MACROD2: variants seen among roughly 807,000 people sequenced by gnomAD.
MACROD2 encodes the protein ADP-ribose glycohydrolase MACROD2.
In MACROD2, 36 loss-of-function variants were observed where a neutral mutation model predicts 70.4. The observed-to-expected ratio is 0.51, with a 90% CI of 0.39 to 0.68. The LOEUF (loss-of-function observed/expected upper bound fraction) is 0.68, where lower values mean the gene tolerates loss of function less well. MACROD2 is among the 30% of genes least tolerant of loss of function. MACROD2 has a pLI of 0.00. For missense variants in MACROD2, 496 were observed against 538.4 expected (o/e 0.92, Z 0.78); for synonymous variants, 172 against 178.8 (o/e 0.96, Z 0.30).
chr20:15,859,958 A>C (rs1205186155), intron 8 of MACROD2, among the ~76,000 whole-genome samples: 1 of 152,038 alleles, frequency 6.6e-6, no homozygotes, highest in Non-Finnish European at 1.5e-5. Context: ...ACACGGTGAA[A>C]CCCTGTCTCT....
chr20:15,160,016 A>G (rs2076336724), intron 5 of MACROD2, among the ~76,000 whole-genome samples: 1 of 152,078 alleles, frequency 6.6e-6, no homozygotes, highest in Admixed American at 6.6e-5. Context: ...TAGGAACAAA[A>G]TGTTCATGAC....
intron 8 of MACROD2, among the ~76,000 whole-genome samples, chr20:15,622,267 G>A (rs1336155702): frequency 6.6e-6 from 1 of 152,216 alleles, no homozygotes; most frequent in African/African-American, 2.4e-5. Context: ...TAAGTTTGAG[G>A]AGACATTCTC....
intron 8 of MACROD2, among the ~76,000 whole-genome samples, chr20:15,686,671 G>A (rs939122565): frequency 3.9e-5 from 6 of 151,974 alleles, no homozygotes; most frequent in East Asian, 1.9e-4. Flanking sequence ...CCAGGAGTTC[G>A]AGACCAGCCT....
At chr20:14,230,209 T>G (rs2081788588) in intron 3 of MACROD2, among the ~76,000 whole-genome samples, 2 of 152,110 alleles carry the variant, frequency 1.3e-5, no homozygotes, top group Admixed American at 1.3e-4. Flanking sequence ...TTTGGTGTGG[T>G]TAACTTATCC....
At chr20:16,035,631 ATTATTATGTGTG>A (rs1221043478) in intron 15 of MACROD2, among the ~76,000 whole-genome samples, 1 of 152,062 alleles carries the variant, frequency 6.6e-6, no homozygotes, top group Non-Finnish European at 1.5e-5. Flanking sequence ...TTAGAAGTGT[ATTATTATGTGTG>A]TTAGTTAGCT....
At chr20:15,078,520 A>G (rs544339311) in intron 5 of MACROD2, among the ~76,000 whole-genome samples, 18 of 152,294 alleles carry the variant, frequency 1.2e-4, no homozygotes, top group South Asian at 6.2e-4. Context: ...TTACTCTTCA[A>G]AAACTTTTAT....
intron 5 of MACROD2, among the ~76,000 whole-genome samples, chr20:15,092,998 A>G (rs1276711138): frequency 6.6e-6 from 1 of 152,184 alleles, no homozygotes; most frequent in East Asian, 1.9e-4. Flanking sequence ...TACAAAGTAA[A>G]TACTTAGGAA....
At chr20:15,475,021 A>AAAT (rs1033880758) in intron 7 of MACROD2, among the ~76,000 whole-genome samples, 35 of 152,152 alleles carry the variant, frequency 2.3e-4, no homozygotes, top group African/African-American at 8.0e-4. Flanking sequence ...TCAGAAAAAA[A>AAAT]AAATAAATAA....
chr20:15,056,069 G>A (rs1285229220), intron 5 of MACROD2, among the ~76,000 whole-genome samples: 2 of 152,134 alleles, frequency 1.3e-5, no homozygotes, highest in Non-Finnish European at 2.9e-5. Flanking sequence ...TTACAGGCGT[G>A]AGCCACAGCA....
At chr20:15,039,311 T>C (rs916650159) in intron 5 of MACROD2, among the ~76,000 whole-genome samples, 1 of 152,184 alleles carries the variant, frequency 6.6e-6, no homozygotes, top group Non-Finnish European at 1.5e-5. Flanking sequence ...GCCCTGGTTA[T>C]GGGGCAAGAC....
intron 8 of MACROD2, among the ~76,000 whole-genome samples, chr20:15,627,939 A>G (rs967021934): frequency 5.3e-5 from 8 of 152,204 alleles, no homozygotes; most frequent in Non-Finnish European, 1.2e-4. Context: ...CACTGCCGTA[A>G]TTTTCTCACT....
chr20:14,386,265 T>C (rs538458610), intron 3 of MACROD2, among the ~76,000 whole-genome samples: 1 of 152,356 alleles, frequency 6.6e-6, no homozygotes, highest in African/African-American at 2.4e-5. Context: ...AGTAGCAGTC[T>C]ATAAAATCTA....
At chr20:15,640,629 C>T (rs550831529) in intron 8 of MACROD2, among the ~76,000 whole-genome samples, 1 of 152,372 alleles carries the variant, frequency 6.6e-6, no homozygotes, top group East Asian at 1.9e-4. Context: ...CTCTTTCTTA[C>T]AGGCTCTCCC....
chr20:15,858,812 A>C (rs942498550), intron 8 of MACROD2, among the ~76,000 whole-genome samples: 2 of 152,114 alleles, frequency 1.3e-5, no homozygotes, highest in African/African-American at 4.8e-5. Context: ...AAACTGTATC[A>C]CCTCATGGAT....
intron 3 of MACROD2, among the ~76,000 whole-genome samples, chr20:14,163,461 C>A (rs1447540998): frequency 6.6e-6 from 1 of 152,068 alleles, no homozygotes; most frequent in South Asian, 2.1e-4. Context: ...GTTTGGGGAT[C>A]TGTGCACCTC....
intron 5 of MACROD2, among the ~76,000 whole-genome samples, chr20:14,898,859 A>G (rs1045982625): frequency 6.6e-6 from 1 of 152,182 alleles, no homozygotes; most frequent in Non-Finnish European, 1.5e-5. Flanking sequence ...CTCCCTCCCA[A>G]CAAATAGGAA....
intron 10 of MACROD2, among the ~76,000 whole-genome samples, chr20:15,903,008 A>G (rs2065088175): frequency 6.6e-6 from 1 of 152,118 alleles, no homozygotes; most frequent in African/African-American, 2.4e-5. Flanking sequence ...TTAAGTTTCT[A>G]TTTGAGAAGA....
At chr20:14,477,079 C>T (rs1025389776) in intron 3 of MACROD2, among the ~76,000 whole-genome samples, 2 of 152,002 alleles carry the variant, frequency 1.3e-5, no homozygotes, top group African/African-American at 4.8e-5. Context: ...TCTCTTGTGT[C>T]CAGAGAATTG....
chr20:14,095,462 A>G lies in MACROD2; in HGVS notation c.271+9734A>G, dbSNP rs958295766. Among the ~76,000 whole-genome samples, 3 of 152,206 alleles carry G rather than the reference A, an allele frequency of 2.0e-5. No individual in the cohort carries two copies. In the South Asian group the frequency reaches 6.2e-4, roughly 32 times the overall value. ...TGTGCTAAATTGTTATGATAACCTAAGAGGCATATTTAACAGATGAAGAAA... is the reference window on the plus strand; with the variant it reads ...TGTGCTAAATTGTTATGATAACCTAGGAGGCATATTTAACAGATGAAGAAA... On this transcript the variant is annotated intron_variant, in intron 3 of 17. Transcript: ENST00000684519.
Sources: gnomAD v4.1 joint callset for allele counts (sites outside exome capture counted in the v4.1 genomes callset) on GRCh38, gnomAD v4.1.1 for gene constraint, MANE v1.5 for transcripts, NCBI Gene and HGNC (gene_info 2026-07-23, HGNC 2026-07-21) for gene names.